Variants in LAMB4 observed in about 807,000 individuals in gnomAD.
LAMB4 encodes the protein laminin subunit beta 4, also known as laminin subunit beta-4.
In LAMB4, 196 loss-of-function variants were observed where a neutral mutation model predicts 199.2. The ratio of observed to expected loss-of-function variants is 0.98; its 90% CI spans 0.88 to 1.11. LAMB4 has a LOEUF of 1.11. Ranked by LOEUF, LAMB4 falls within the 50% of genes least tolerant of loss-of-function variation. LAMB4 has a pLI of 0.00. For missense variants in LAMB4, 2,080 were observed against 2,171.2 expected (o/e 0.96, Z 0.83); for synonymous variants, 744 against 770.6 (o/e 0.97, Z 0.57).
Position 108,092,954 on chromosome 7 carries a change from T to C in LAMB4, c.1471-538A>G, listed in dbSNP as rs190749269. 3.3e-3 allele frequency among the ~76,000 whole-genome samples: 504 copies of C among 152,288 alleles called. 2 individuals carry two copies. Among genetic ancestry groups the C allele is most frequent in the Admixed American group, 6.2e-3 (95 of 15,302 alleles). The stretch of plus-strand genomic sequence containing the variant: ...ACAGGAAGGTTGTCCATGTAATGTG[T>C]CAAGTGGAAAAGAAATGGGAGCCTT... On this transcript the variant is annotated intron_variant, in intron 12 of 33. Coordinates refer to ENST00000388781, the MANE Select transcript of LAMB4 (RefSeq NM_007356.3).
intron 18 of LAMB4, 28 bp downstream of exon 18, chr7:108,069,680 C>G (rs1450393983): frequency 6.3e-7 from 1 of 1,596,750 alleles, no homozygotes; most frequent in Admixed American, 1.7e-5. Context: ...GTCAGTGCCT[C>G]AGTAGAGCCC....
intron 3 of LAMB4, among the ~76,000 whole-genome samples, chr7:108,113,986 G>A (rs2038322686): frequency 6.6e-6 from 1 of 152,144 alleles, no homozygotes; most frequent in Non-Finnish European, 1.5e-5. Flanking sequence ...TCATTCTCTA[G>A]ACAAAAGAAG....
chr7:108,041,280 A>G (rs1054464894), intron 29 of LAMB4, among the ~76,000 whole-genome samples: 1 of 152,172 alleles, frequency 6.6e-6, no homozygotes, highest in Admixed American at 6.5e-5. Context: ...AGAAAGAAAC[A>G]CTTATACAGT....
intron 3 of LAMB4, among the ~76,000 whole-genome samples, chr7:108,115,543 T>C (rs940805117): frequency 6.6e-6 from 1 of 152,084 alleles, no homozygotes; most frequent in African/African-American, 2.4e-5. Flanking sequence ...TGGTGGTGCA[T>C]GCCTGTATTT....
rs114348114 is a variant in LAMB4 at position 108,061,468 on chromosome 7, G to A, written c.3282+1306C>T. ...AGGTATGTTGTGGGGGCTGGGCGTCGTGGCTCACACCTGTAATCTTAGCAA... is the reference window on the plus strand; with the variant it reads ...AGGTATGTTGTGGGGGCTGGGCGTCATGGCTCACACCTGTAATCTTAGCAA... On this transcript the variant is annotated intron_variant, in intron 23 of 33. Transcript: ENST00000388781. Among the ~76,000 whole-genome samples the A allele has an allele frequency of 7.3e-3, 1,115 of 152,180 alleles. 18 individuals carry two copies. The highest frequency in any genetic ancestry group is 0.024 in the African/African-American group (977 of 41,524).
At chr7:108,079,538 A>C (rs2036844456) in intron 15 of LAMB4, 63 bp downstream of exon 15, 2 of 1,328,808 alleles carry the variant, frequency 1.5e-6, no homozygotes, top group Non-Finnish European at 2.1e-6. Context: ...GCTGAAATGG[A>C]AACAGTTCAA....
intron 4 of LAMB4, among the ~76,000 whole-genome samples, chr7:108,110,355 A>AT (rs1317442956): frequency 6.6e-6 from 1 of 152,054 alleles, no homozygotes; most frequent in African/African-American, 2.4e-5. Flanking sequence ...TTTATTATAC[A>AT]TTTTCTCCCA....
At chr7:108,016,275 A>ATTTTTT in the LAMB4 span, among the ~76,000 whole-genome samples, 2 of 97,834 alleles carry the variant, frequency 2.0e-5, no homozygotes, top group Non-Finnish European at 3.8e-5. Flanking sequence ...GCATTTTGGA[A>ATTTTTT]TTTTTTTTTT....
intron 9 of LAMB4, among the ~76,000 whole-genome samples, chr7:108,103,443 A>G (rs112232271): frequency 1.3e-5 from 2 of 152,224 alleles, no homozygotes; most frequent in African/African-American, 4.8e-5. Flanking sequence ...CTTTCTATAA[A>G]ATGTGCTCCC....
At chr7:108,103,338 C>T in intron 9 of LAMB4, 106 bp from the exon 10 acceptor site, 1 of 912,938 alleles carries the variant, frequency 1.1e-6, no homozygotes, top group Non-Finnish European at 1.6e-6. Context: ...GTCCTCCTGC[C>T]ATTTCGTGTT....
At chr7:108,112,452 C>T (rs995200625) in intron 3 of LAMB4, among the ~76,000 whole-genome samples, 7 of 151,748 alleles carry the variant, frequency 4.6e-5, no homozygotes, top group African/African-American at 9.7e-5. Flanking sequence ...CCACCACACC[C>T]GGCTATTTTT....
intron 14 of LAMB4, among the ~76,000 whole-genome samples, chr7:108,087,056 G>T (rs430995): frequency 0.4 from 61,376 of 151,960 alleles, 12,721 homozygotes; most frequent in East Asian, 0.58. Flanking sequence ...AGCATAGGAA[G>T]AGAAACAAGT....
intron 10 of LAMB4, among the ~76,000 whole-genome samples, chr7:108,099,048 A>G (rs1298914572): frequency 6.6e-6 from 1 of 152,246 alleles, no homozygotes; most frequent in Non-Finnish European, 1.5e-5. Context: ...AAATAAGGTC[A>G]AAATCTCTGA....
intron 1 of LAMB4, among the ~76,000 whole-genome samples, chr7:108,125,514 C>T (rs143933588): frequency 1.3e-5 from 2 of 152,302 alleles, no homozygotes; most frequent in African/African-American, 4.8e-5. Context: ...GAATAGCCTA[C>T]GATTCATGGC....
intron 17 of LAMB4, among the ~76,000 whole-genome samples, chr7:108,072,694 G>A (rs78928366): frequency 0.016 from 2,494 of 152,174 alleles, 62 homozygotes; most frequent in African/African-American, 0.053. Context: ...AACCGGGGTG[G>A]CAGGGATAGT....
chr7:108,052,544 T>C (rs1454854008), intron 25 of LAMB4, among the ~76,000 whole-genome samples: 1 of 152,202 alleles, frequency 6.6e-6, no homozygotes, highest in African/African-American at 2.4e-5. Flanking sequence ...TTATGCTCTG[T>C]CTTTCTTCGT....
chr7:108,116,437 A>G (rs1048133190), intron 2 of LAMB4, among the ~76,000 whole-genome samples: 2 of 152,208 alleles, frequency 1.3e-5, no homozygotes, highest in African/African-American at 4.8e-5. Flanking sequence ...ACTGAACTCC[A>G]TATCAGCAGG....
chr7:108,067,187 G>A (rs1184659339), intron 19 of LAMB4, among the ~76,000 whole-genome samples: 6 of 152,010 alleles, frequency 3.9e-5, no homozygotes. Context: ...TGTATCTCAG[G>A]CATTTTGTAA....
chr7:108,058,687 G>A (rs960260929), intron 23 of LAMB4, among the ~76,000 whole-genome samples: 21 of 151,988 alleles, frequency 1.4e-4, no homozygotes, highest in Admixed American at 2.0e-4. Context: ...ACGGAGTCTC[G>A]CTCTGTTGCC....
Sources: gnomAD v4.1 joint callset for allele counts (sites outside exome capture counted in the v4.1 genomes callset) on GRCh38, gnomAD v4.1.1 for gene constraint, MANE v1.5 for transcripts, NCBI Gene and HGNC (gene_info 2026-07-23, HGNC 2026-07-21) for gene names.